The following DLG5 variants were observed in gnomAD, a reference collection of about 807,000 sequenced individuals.
DLG5 encodes the protein disks large homolog 5.
Under a neutral mutation model 189.8 loss-of-function variants are expected in DLG5, and 48 were observed. The ratio of observed to expected loss-of-function variants is 0.25; its 90% CI spans 0.20 to 0.32. DLG5 has a LOEUF of 0.32. DLG5 is among the 10% of genes least tolerant of loss of function. DLG5 has a pLI of 1.00. For synonymous variants in DLG5, 1,016 were observed against 1,054.1 expected, an observed-to-expected ratio of 0.96 and a Z score of 0.70; for missense variants, 2,160 against 2,544.7, an observed-to-expected ratio of 0.85 and a Z score of 3.25.
intron 14 of DLG5, 86 bp downstream of exon 14, chr10:77,824,298 T>C: frequency 9.9e-7 from 1 of 1,009,996 alleles, no homozygotes; most frequent in Non-Finnish European, 1.5e-6. Flanking sequence ...AAGGATCCTG[T>C]GACCCCAAGG....
intron 1 of DLG5, among the ~76,000 whole-genome samples, chr10:77,902,854 C>A (rs560689127): frequency 6.7e-6 from 1 of 148,442 alleles, no homozygotes; most frequent in South Asian, 2.1e-4. Context: ...AGCGAGACTC[C>A]ATCTCAAAAA....
At chr10:77,810,954 C>G in intron 23 of DLG5, 140 bp downstream of exon 23, 1 of 1,037,142 alleles carries the variant, frequency 9.6e-7, no homozygotes, top group Non-Finnish European at 1.4e-6. Context: ...TGCCGTGCTC[C>G]CGGCCCAACT....
At chr10:77,815,902 C>T (rs115394362) in intron 20 of DLG5, 35 of 361,568 alleles carry the variant, frequency 9.7e-5, no homozygotes, top group East Asian at 5.1e-4. Flanking sequence ...GCACAGTGCG[C>T]GGGGGTGACG....
intron 26 of DLG5, 40 bp from the exon 27 acceptor site, chr10:77,805,901 C>T: frequency 2.6e-6 from 4 of 1,560,122 alleles, no homozygotes; most frequent in Non-Finnish European, 3.5e-6. Context: ...GCCATCGAGA[C>T]CCTGCTGCCC....
At chr10:77,907,570 C>T (rs949927976) in intron 1 of DLG5, among the ~76,000 whole-genome samples, 2 of 152,140 alleles carry the variant, frequency 1.3e-5, no homozygotes, top group Non-Finnish European at 2.9e-5. Flanking sequence ...CAGAGTTATA[C>T]CCTGTCTCAA....
In DLG5 at chr10:77,830,743, T is replaced by C. The variant is rs1359959359; in HGVS notation, c.1879A>G (p.Thr627Ala). The change falls in exon 10 of 32, where the codon ACG becomes GCG. Residue 627 changes from threonine to alanine, a missense_variant and splice_region_variant. By Grantham distance (58) the Thr-to-Ala change is moderately conservative. This residue lies in a region of DLG5 where 664 missense variants were observed against 838.5 expected (regional missense o/e 0.79). Transcript: ENST00000372391. Reference sequence around the variant, plus strand: ...AAGAACCATCAGAGGCAGCTTACCGTCTCCCTCTCGAACTCTACAACTTCC... The same window carrying C: ...AAGAACCATCAGAGGCAGCTTACCGCCTCCCTCTCGAACTCTACAACTTCC... ...ETEVVEFERE[T>A]EDIDLKALGF... The C allele has an allele frequency of 6.2e-7, 1 of 1,613,968 alleles. No individual in the cohort carries two copies.
the DLG5 span, among the ~76,000 whole-genome samples, chr10:77,932,411 T>C: frequency 1.3e-5 from 2 of 152,118 alleles, no homozygotes; most frequent in Non-Finnish European, 2.9e-5. Flanking sequence ...GGTGAACATA[T>C]GAATGAATGA....
chr10:77,877,072 A>G (rs1264232172), intron 1 of DLG5, among the ~76,000 whole-genome samples: 1 of 151,846 alleles, frequency 6.6e-6, no homozygotes, highest in African/African-American at 2.4e-5. Flanking sequence ...TTCCCACTGG[A>G]CTTTTGAGGC....
chr10:77,892,544 C>T (rs1318443528), intron 1 of DLG5, among the ~76,000 whole-genome samples: 1 of 152,192 alleles, frequency 6.6e-6, no homozygotes, highest in Non-Finnish European at 1.5e-5. Flanking sequence ...CCCCATTTGA[C>T]AGATGGGGAA....
intron 1 of DLG5, among the ~76,000 whole-genome samples, chr10:77,907,764 C>T (rs1185966340): frequency 6.6e-6 from 1 of 152,120 alleles, no homozygotes; most frequent in Non-Finnish European, 1.5e-5. Context: ...CGGTAAGTGG[C>T]AGATTCAGGA....
chr10:77,835,979 G>GC, intron 7 of DLG5, 57 bp from the exon 8 acceptor site: 1 of 1,563,206 alleles, frequency 6.4e-7, no homozygotes, highest in African/African-American at 1.3e-5. Context: ...TGGACCAGGA[G>GC]CGCCTCCCAC....
At chr10:77,798,987 G>A (rs1431901514) in intron 27 of DLG5, among the ~76,000 whole-genome samples, 2 of 152,100 alleles carry the variant, frequency 1.3e-5, no homozygotes, top group African/African-American at 2.4e-5. Context: ...ACATTAAAAT[G>A]TTAATGGTTA....
intron 1 of DLG5, among the ~76,000 whole-genome samples, chr10:77,880,023 G>A (rs1396491043): frequency 2.0e-5 from 3 of 152,144 alleles, no homozygotes; most frequent in Admixed American, 2.0e-4. Context: ...CAAGGAAGGA[G>A]TACAGACAGC....
intron 2 of DLG5, among the ~76,000 whole-genome samples, chr10:77,859,536 C>T (rs890634855): frequency 4.6e-5 from 7 of 152,262 alleles, no homozygotes; most frequent in South Asian, 2.1e-4. Flanking sequence ...CAAATACTTA[C>T]CATTGTGTTA....
In DLG5 at chr10:77,821,777, G is replaced by C; in HGVS notation, c.2707C>G (p.Arg903Gly). ...CGCACGTCCACCAGCCCAAAGCCAC[G>C]GTCCCCAGAGGCATCTGAGCGGAAG... ...SSFRSDASGD[R>G]GFGLVDVRGR... The change falls in exon 15 of 32, where the codon CGT (arginine) becomes GGT (glycine). Residue 903 changes from arginine (R) to glycine (G), a missense_variant. Physicochemically the swap from Arg to Gly is moderately radical, Grantham distance 125 (BLOSUM62 -2). This residue lies in a region of DLG5 where 754 missense variants were observed against 746.5 expected (regional missense o/e 1.01). Transcript: ENST00000372391. The C allele has an allele frequency of 6.2e-7, 1 of 1,610,234 alleles. No homozygotes were observed. The highest frequency in any genetic ancestry group is 8.5e-7 in the Non-Finnish European group (1 of 1,178,512).
At chr10:77,883,186 G>A (rs931822886) in intron 1 of DLG5, among the ~76,000 whole-genome samples, 7 of 152,140 alleles carry the variant, frequency 4.6e-5, no homozygotes, top group African/African-American at 1.7e-4. Context: ...AGCAGGGAGA[G>A]CCTGGAAGCT....
intron 5 of DLG5, among the ~76,000 whole-genome samples, chr10:77,845,628 G>A (rs990465632): frequency 1.3e-5 from 2 of 151,362 alleles, no homozygotes; most frequent in Admixed American, 6.6e-5. Context: ...AGGAAGGAAG[G>A]GGAGGAGAAA....
chr10:77,866,106 T>C (rs889198251), intron 2 of DLG5, among the ~76,000 whole-genome samples: 1 of 152,172 alleles, frequency 6.6e-6, no homozygotes, highest in Non-Finnish European at 1.5e-5. Flanking sequence ...GGGCGGTGTG[T>C]GCTTGCAAAG....
chr10:77,796,220 C>T lies in DLG5; in HGVS notation c.5309-32G>A, dbSNP rs1603641058. The T allele has an allele frequency of 6.2e-7, 1 of 1,613,616 alleles. No individual in the cohort carries two copies. The highest frequency in any genetic ancestry group is 8.5e-7 in the Non-Finnish European group (1 of 1,179,950). On this transcript the variant is annotated intron_variant, in intron 28 of 31. Coordinates refer to ENST00000372391, the MANE Select transcript of DLG5 (RefSeq NM_004747.4). This position sits in a 1 kb window ranked among gnomAD's most constrained non-coding sequence, Gnocchi z 5.2. The stretch of plus-strand genomic sequence containing the variant: ...TGCACAGACACAGGAATCAGGGAGC[C>T]CCAGGCCCTGCTGAGCCCCAGCAGA...
Sources: gnomAD v4.1 joint callset for allele counts (sites outside exome capture counted in the v4.1 genomes callset) on GRCh38, gnomAD v4.1.1 for gene constraint, gnomAD v4.1.1 regional missense constraint, Gnocchi (gnomAD v3.1) non-coding constraint, MANE v1.5 for transcripts, NCBI Gene and HGNC (gene_info 2026-07-23, HGNC 2026-07-21) for gene names.